Variants in CD33 observed in about 807,000 individuals in gnomAD.
The protein encoded by CD33 is myeloid cell surface antigen CD33.
CD33 carries 25 observed loss-of-function variants against 31.4 expected under a neutral mutation model. The ratio of observed to expected loss-of-function variants is 0.80; its 90% CI spans 0.58 to 1.11. The LOEUF (loss-of-function observed/expected upper bound fraction) is 1.11. Ranked by LOEUF, CD33 falls within the 50% of genes most tolerant of loss-of-function variation. The probability of loss-of-function intolerance (pLI) is 0.00; values close to 1 mark genes in which losing one functional copy is unlikely to be tolerated. For missense variants in CD33, 407 were observed against 448.1 expected (o/e 0.91, Z 0.83); for synonymous variants, 176 against 180.6 (o/e 0.97, Z 0.20).
At chr19:51,221,732 C>A (rs776753646), upstream of CD33, among the ~76,000 whole-genome samples, 30 of 152,102 alleles carry the variant, frequency 2.0e-4, no homozygotes, top group Admixed American at 5.9e-4. Context: ...TCATAGTCAC[C>A]CAAACCTGAA....
In CD33 at chr19:51,226,057, A is replaced by G. The variant is rs1430298107; in HGVS notation, c.673A>G (p.Arg225Gly). ...KFAGAGVTTERTIQLNVTYVP... is the reference protein window; with the variant it reads ...KFAGAGVTTEGTIQLNVTYVP... ...CGCTGGAGCTGGTGTGACTACGGAG[A>G]GAACCATCCAGCTCAACGTCACCTG... Residue 225 changes from arginine (R) to glycine (G), a missense_variant, in exon 3 of 7, where the codon AGA (arginine) becomes GGA (glycine). Transcript: ENST00000262262. 6.2e-7 allele frequency: 1 copy of G among 1,614,086 alleles called. No individual in the cohort carries two copies. Among genetic ancestry groups the G allele is most frequent in the East Asian group, 2.2e-5 (1 of 44,874 alleles).
chr19:51,226,239 G>A, intron 3 of CD33, 70 bp from the exon 4 acceptor site: 2 of 1,532,746 alleles, frequency 1.3e-6, no homozygotes. Flanking sequence ...TCTGGCAGGA[G>A]TAAGGGGAAA....
the CD33 span, among the ~76,000 whole-genome samples, chr19:51,213,919 G>A: frequency 1.4e-5 from 2 of 141,906 alleles, no homozygotes; most frequent in Admixed American, 7.1e-5. Context: ...GACTGCAGTG[G>A]TGCAATCTCA....
rs1259127705 is a variant in CD33 at position 51,225,284 on chromosome 19, T to G, written c.104T>G (p.Leu35Trp). The change falls in exon 2 of 7, where the codon TTG becomes TGG. Residue 35 changes from leucine (L) to tryptophan (W), a missense_variant. Transcript: ENST00000262262. ...VQESVTVQEG[L>W]CVLVPCTFFH... ...GAGTCAGTGACGGTACAGGAGGGTT[T>G]GTGCGTCCTCGTGCCCTGCACTTTC... 1.2e-5 allele frequency: 20 copies of G among 1,614,068 alleles called. No individual in the cohort carries two copies. Among genetic ancestry groups the G allele is most frequent in the Non-Finnish European group, 1.7e-5 (20 of 1,180,038 alleles).
chr19:51,239,485 C>A, intron 6 of CD33, 33 bp from the exon 7 acceptor site: 1 of 1,526,442 alleles, frequency 6.6e-7, no homozygotes, highest in South Asian at 1.3e-5. Context: ...TCCTCACTGC[C>A]CTGCTCTAAC....
At chr19:51,236,046 T>C (rs1360635778) in intron 6 of CD33, 3 of 545,296 alleles carry the variant, frequency 5.5e-6, no homozygotes, top group Non-Finnish European at 9.9e-6. Flanking sequence ...TAGTCCCAGC[T>C]ACTTGGGAGG....
intron 6 of CD33, 105 bp downstream of exon 6, chr19:51,235,781 T>C: frequency 1.1e-6 from 1 of 942,346 alleles, no homozygotes; most frequent in African/African-American, 1.6e-5. Context: ...GAGCTTATTG[T>C]CTTTCCTCCT....
the CD33 span, chr19:51,211,740 G>A: frequency 2.6e-6 from 2 of 780,148 alleles, no homozygotes; most frequent in Admixed American, 2.2e-5. Flanking sequence ...CTTCCCTCAG[G>A]GCTGTACCTC....
the CD33 span, among the ~76,000 whole-genome samples, chr19:51,214,206 T>C: frequency 6.1e-5 from 9 of 146,674 alleles, no homozygotes; most frequent in African/African-American, 2.3e-4. Flanking sequence ...TCTTTCTTTT[T>C]TTTTTTTTTT....
rs779275316 is a variant in CD33, at chr19:51,239,722, A to T, written c.*34A>T. ...CAAGAGCATCAGGCTCAGCTAGAAG[A>T]TCCACATCCTCTACAGGTCGGGGAC... On this transcript the variant is annotated 3_prime_UTR_variant, in exon 7 of 7. Coordinates refer to ENST00000262262, the MANE Select transcript of CD33 (RefSeq NM_001772.4). The T allele has an allele frequency of 8.3e-6, 13 of 1,571,346 alleles. 1 individual carries two copies. The Admixed American group carries it at 2.3e-4, about 28-fold the overall frequency.
At chr19:51,235,483 G>T in intron 5 of CD33, 112 bp from the exon 6 acceptor site, 1 of 1,466,150 alleles carries the variant, frequency 6.8e-7, no homozygotes, top group South Asian at 1.4e-5. Flanking sequence ...TTGTTTGAGG[G>T]CTCCTGGATT....
Position 51,225,922 on chromosome 19 carries a change from T to A in CD33, c.538T>A (p.Leu180Met), listed in dbSNP as rs1267189684. The A allele has an allele frequency of 6.2e-7, 1 of 1,613,966 alleles. No individual in the cohort carries two copies. The highest frequency in any genetic ancestry group is 8.5e-7 in the Non-Finnish European group (1 of 1,179,986). Reference protein sequence around the residue: ...EQGTPPIFSWLSAAPTSLGPR... With the variant: ...EQGTPPIFSWMSAAPTSLGPR... ...GGGAACACCCCCGATCTTCTCCTGG[T>A]TGTCAGCTGCCCCCACCTCCCTGGG... The change falls in exon 3 of 7, where the codon TTG becomes ATG. Residue 180 changes from leucine (L) to methionine (M), a missense_variant. Leu to Met is a conservative substitution (Grantham distance 15, BLOSUM62 2). Transcript: ENST00000262262.
chr19:51,220,273 C>T (rs1980624048), upstream of CD33, among the ~76,000 whole-genome samples: 1 of 152,178 alleles, frequency 6.6e-6, no homozygotes, highest in South Asian at 2.1e-4. Context: ...GCATTTCCTC[C>T]AGGAAAAGTT....
upstream of CD33, among the ~76,000 whole-genome samples, chr19:51,223,811 T>G (rs1980805671): frequency 6.6e-6 from 1 of 152,162 alleles, no homozygotes. Context: ...CAGGGGAAAA[T>G]TCTATAGTCA....
At chr19:51,218,419 G>A in the CD33 span, among the ~76,000 whole-genome samples, 37 of 152,028 alleles carry the variant, frequency 2.4e-4, no homozygotes, top group South Asian at 8.3e-4. Flanking sequence ...GTACATTCTG[G>A]ATATTAGTCT....
In CD33 at chr19:51,239,572, G is replaced by C. The variant is rs763926051; in HGVS notation, c.979G>C (p.Gly327Arg). 1 of 1,613,494 alleles carries C rather than the reference G, an allele frequency of 6.2e-7. No individual in the cohort carries two copies. Among genetic ancestry groups the C allele is most frequent in the African/African-American group, 1.3e-5 (1 of 74,874 alleles). The part of the protein sequence containing the change: ...HGPTETSSCS[G>R]AAPTVEMDEE... ...CCCCACTGAAACCTCAAGCTGTTCA[G>C]GTGCCGCCCCTACTGTGGAGATGGA... The change falls in exon 7 of 7, where the codon GGT becomes CGT. Residue 327 changes from glycine to arginine, a missense_variant. By Grantham distance (125) the Gly-to-Arg change is moderately radical. Transcript: ENST00000262262.
chr19:51,225,339 C>T lies in CD33; in HGVS notation c.159C>T (p.Asn53=), dbSNP rs1364941048. Residue 53 remains asparagine (N), a synonymous_variant, in exon 2 of 7, where the codon AAC becomes AAT. Transcript: ENST00000262262. ...FFHPIPYYDK[N]SPVHGYWFRE... ...ATCCCATACCCTACTACGACAAGAACTCCCCAGTTCATGGTTACTGGTTCC... is the reference window on the plus strand; with the variant it reads ...ATCCCATACCCTACTACGACAAGAATTCCCCAGTTCATGGTTACTGGTTCC... 1.2e-6 allele frequency: 2 copies of T among 1,614,202 alleles called. No homozygotes were observed. The highest frequency in any genetic ancestry group is 1.1e-5 in the South Asian group (1 of 91,086).
chr19:51,225,692 G>A, intron 2 of CD33, 94 bp downstream of exon 2: 6 of 1,534,738 alleles, frequency 3.9e-6, no homozygotes, highest in Admixed American at 1.9e-5. Flanking sequence ...AGGGGTTTAG[G>A]GGTAAAGCCT....
chr19:51,216,223 AGTGTGTGTGTGTGTGT>A, the CD33 span, among the ~76,000 whole-genome samples: 12 of 128,406 alleles, frequency 9.3e-5, no homozygotes, highest in East Asian at 2.4e-4. Flanking sequence ...ATGTCACCCG[AGTGTGTGTGTGTGTGT>A]GTGTGTGTGT....
Sources: gnomAD v4.1 joint callset for allele counts (sites outside exome capture counted in the v4.1 genomes callset) on GRCh38, gnomAD v4.1.1 for gene constraint, MANE v1.5 for transcripts, NCBI Gene and HGNC (gene_info 2026-07-23, HGNC 2026-07-21) for gene names.